GABPB2: variants seen among roughly 807,000 people sequenced by gnomAD.
GABPB2 encodes GA-binding protein subunit beta-2.
A neutral mutation model predicts 39.1 loss-of-function variants in GABPB2; 23 were observed. The ratio of observed to expected loss-of-function variants is 0.59; its 90% CI spans 0.42 to 0.83. The LOEUF (loss-of-function observed/expected upper bound fraction) is 0.83, where lower values mean the gene tolerates loss of function less well. Among genes scored for constraint, GABPB2 ranks in the 40% least tolerant of loss-of-function variants. The pLI is 0.00. For synonymous variants in GABPB2, 184 were observed against 199.3 expected, an observed-to-expected ratio of 0.92 and a Z score of 0.65; for missense variants, 467 against 541.1, an observed-to-expected ratio of 0.86 and a Z score of 1.36.
At chr1:151,102,738 G>A (rs971228108) in intron 5 of GABPB2, among the ~76,000 whole-genome samples, 4 of 152,062 alleles carry the variant, frequency 2.6e-5, no homozygotes, top group African/African-American at 9.7e-5. Context: ...CACAGCATCC[G>A]GCCATGAAAC....
At chr1:151,088,340 C>T in intron 2 of GABPB2, 43 bp downstream of exon 2, 1 of 1,500,988 alleles carries the variant, frequency 6.7e-7, no homozygotes, top group South Asian at 1.2e-5. Flanking sequence ...CCAATGTATG[C>T]TTTTACCAAC....
chr1:151,092,736 G>A (rs141965985), intron 3 of GABPB2, among the ~76,000 whole-genome samples: 276 of 152,064 alleles, frequency 1.8e-3, no homozygotes, highest in African/African-American at 5.8e-3. Flanking sequence ...ACCACGCCTG[G>A]CTAATGTTTT....
At chr1:151,071,228 G>A (rs1379352016) in intron 1 of GABPB2, among the ~76,000 whole-genome samples, 1 of 152,176 alleles carries the variant, frequency 6.6e-6, no homozygotes, top group Non-Finnish European at 1.5e-5. Flanking sequence ...ACTAGGGGGC[G>A]GCGCGGAGCC....
Position 151,090,649 on chromosome 1 carries a change from T to C in GABPB2, c.276+76T>C. ...CCTGTTTTCTTACTTAAATGGGTAC[T>C]AGGAAATGACTTGGGAATGATTAAG... On this transcript the variant is annotated intron_variant, in intron 3 of 8. Transcript: ENST00000368918. The C allele has an allele frequency of 6.5e-6, 9 of 1,387,568 alleles. No homozygotes were observed. In the South Asian group the frequency reaches 1.1e-4, roughly 17 times the overall value. 86.0% of individuals were successfully genotyped at this position (1,387,568 alleles called of 1,614,324 possible). A position where few individuals can be genotyped will look rare whatever the true frequency, so the allele number is the denominator to read the frequency against.
chr1:151,093,252 G>C lies in GABPB2; in HGVS notation c.337G>C (p.Glu113Gln). 2.5e-6 allele frequency: 4 copies of C among 1,611,546 alleles called. No homozygotes were observed. Among genetic ancestry groups the C allele is most frequent in the Non-Finnish European group, 3.4e-6 (4 of 1,179,088 alleles). The change falls in exon 4 of 9, where the codon GAG (glutamate) becomes CAG (glutamine). Residue 113 changes from glutamate to glutamine, a missense_variant. Physicochemically the swap from Glu to Gln is conservative, Grantham distance 29. Transcript: ENST00000368918. ...LKMTALHWATERHHRDVVELL... is the reference protein window; with the variant it reads ...LKMTALHWATQRHHRDVVELL... ...GATGACAGCTTTGCATTGGGCCACAGAGCGCCACCATCGAGATGTCGTAGA... is the reference window on the plus strand; with the variant it reads ...GATGACAGCTTTGCATTGGGCCACACAGCGCCACCATCGAGATGTCGTAGA...
In GABPB2 at chr1:151,118,405, T is replaced by C. The variant is rs866239690; in HGVS notation, c.*149T>C. ...AATGCTTGGGCTCAGGAAGTTTCTCTGTGCAACTAGAAAATTCAAAGCCAT... is the reference window on the plus strand; with the variant it reads ...AATGCTTGGGCTCAGGAAGTTTCTCCGTGCAACTAGAAAATTCAAAGCCAT... On this transcript the variant is annotated 3_prime_UTR_variant, in exon 9 of 9. Coordinates refer to ENST00000368918, the MANE Select transcript of GABPB2 (RefSeq NM_144618.3). 4.1e-6 allele frequency: 3 copies of C among 726,320 alleles called. 1 individual carries two copies. 45.0% of individuals were successfully genotyped at this position (726,320 alleles called of 1,614,324 possible).
rs587623132 is a variant in GABPB2, at chr1:151,075,640, C to T, written c.-1+4706C>T. 8.7e-5 allele frequency among the ~76,000 whole-genome samples: 13 copies of T among 149,956 alleles called. No individual in the cohort carries two copies. In the South Asian group the frequency reaches 1.3e-3, roughly 15 times the overall value. ...AGGAGAATCGCTACAACCTGGGAGG[C>T]GGAAGTTGCAGCGAGCTGAGACTGC... On this transcript the variant is annotated intron_variant, in intron 1 of 8. Transcript: ENST00000368918.
At chr1:151,095,904 G>A (rs1422099866) in intron 4 of GABPB2, among the ~76,000 whole-genome samples, 11 of 151,880 alleles carry the variant, frequency 7.2e-5, no homozygotes, top group Non-Finnish European at 1.5e-5. Context: ...TTGGTCGTGG[G>A]TGCCTGTAAT....
intron 1 of GABPB2, among the ~76,000 whole-genome samples, chr1:151,085,178 A>G (rs1012127741): frequency 5.3e-5 from 8 of 151,540 alleles, no homozygotes; most frequent in Non-Finnish European, 8.8e-5. Flanking sequence ...CAGGCAGATC[A>G]TCTGAGGTCA....
In GABPB2 at chr1:151,088,174, G is replaced by A; in HGVS notation, c.1-16G>A. On this transcript the variant is annotated splice_polypyrimidine_tract_variant and intron_variant, in intron 1 of 8. Transcript: ENST00000368918. Reference sequence around the variant, plus strand: ...GAGTTATAGCTACCTGAAAACTTTTGTTCCTATGCATAAAGATGTCTTTGG... The same window carrying A: ...GAGTTATAGCTACCTGAAAACTTTTATTCCTATGCATAAAGATGTCTTTGG... 1 of 1,598,074 alleles carries A rather than the reference G, an allele frequency of 6.3e-7. No homozygotes were observed. Among genetic ancestry groups the A allele is most frequent in the Non-Finnish European group, 8.6e-7 (1 of 1,165,742 alleles).
chr1:151,121,067 A>T lies in GABPB2; in HGVS notation c.*2811A>T, dbSNP rs141555254. The T allele has an allele frequency of 3.3e-5, 5 of 152,208 alleles. No individual in the cohort carries two copies. The highest frequency in any genetic ancestry group is 1.2e-4 in the African/African-American group (5 of 41,546). The allele number at this position is 152,208 out of a possible 1,614,324, so 9.4% of individuals were successfully genotyped here. A position where few individuals can be genotyped will look rare whatever the true frequency, so the allele number is the denominator to read the frequency against. ...CACCCCGCGCACAGCCTAGACTCTAATTTTATAAAACTTTGTTGAATTTTC... is the reference window on the plus strand; with the variant it reads ...CACCCCGCGCACAGCCTAGACTCTATTTTTATAAAACTTTGTTGAATTTTC... On this transcript the variant is annotated 3_prime_UTR_variant, in exon 9 of 9. Transcript: ENST00000368918.
intron 1 of GABPB2, among the ~76,000 whole-genome samples, chr1:151,071,891 C>T (rs1255020035): frequency 1.3e-5 from 2 of 152,254 alleles, no homozygotes; most frequent in South Asian, 4.1e-4. Flanking sequence ...CTCCTGTTTT[C>T]ACATACTTCC....
intron 7 of GABPB2, among the ~76,000 whole-genome samples, chr1:151,110,005 ATTTTTTTTTTTTTTTTTTTT>A (rs71577269): frequency 3.5e-3 from 211 of 60,768 alleles, no homozygotes; most frequent in Non-Finnish European, 6.3e-3. Flanking sequence ...TGCCCAGCTA[ATTTTTTTTTTTTTTTTTTTT>A]TTTTTTTTTT....
At chr1:151,116,480 T>C (rs1347858485) in intron 7 of GABPB2, among the ~76,000 whole-genome samples, 1 of 152,120 alleles carries the variant, frequency 6.6e-6, no homozygotes, top group Admixed American at 6.6e-5. Flanking sequence ...TGTTGACTCT[T>C]CTCTCACTTA....
At chr1:151,112,162 T>C (rs1680486858) in intron 7 of GABPB2, 1 of 113,674 alleles carries the variant, frequency 8.8e-6, no homozygotes, top group South Asian at 3.3e-4. Context: ...AGGTGGAGGT[T>C]GCAGTGAGCC....
intron 1 of GABPB2, 182 bp from the exon 2 acceptor site, chr1:151,088,008 A>G: frequency 1.8e-6 from 1 of 551,138 alleles, no homozygotes; most frequent in Non-Finnish European, 3.3e-6. Context: ...AGGGCTTGAA[A>G]CATTCCCAAA....
chr1:151,095,632 A>G (rs182071650), intron 4 of GABPB2, among the ~76,000 whole-genome samples: 21 of 152,266 alleles, frequency 1.4e-4, no homozygotes, highest in African/African-American at 5.1e-4. Flanking sequence ...CACTTACTAG[A>G]TGTCTGTTTA....
At position 151,120,736 on chromosome 1, in the gene GABPB2, T is replaced by C. The variant is rs1485649501; in HGVS notation, c.*2480T>C. 2.0e-5 allele frequency: 3 copies of C among 151,494 alleles called. No individual in the cohort carries two copies. The highest frequency in any genetic ancestry group is 7.3e-5 in the African/African-American group (3 of 41,304). 9.4% of individuals were successfully genotyped at this position (151,494 alleles called of 1,614,324 possible). A position where few individuals can be genotyped will look rare whatever the true frequency, so the allele number is the denominator to read the frequency against. ...AACTTGTTTCCAAACATTTATGTAA[T>C]GTCAAGCTCAGTCTCTCTTTTTTTT... is the stretch of plus-strand genomic sequence containing the variant. On this transcript the variant is annotated 3_prime_UTR_variant, in exon 9 of 9. Transcript: ENST00000368918.
intron 1 of GABPB2, among the ~76,000 whole-genome samples, chr1:151,081,515 A>G (rs2101449035): frequency 6.6e-6 from 1 of 152,186 alleles, no homozygotes; most frequent in Admixed American, 6.6e-5. Context: ...AAACAAAGAA[A>G]CAAACCGTAT....
Sources: gnomAD v4.1 joint callset for allele counts (sites outside exome capture counted in the v4.1 genomes callset) on GRCh38, gnomAD v4.1.1 for gene constraint, MANE v1.5 for transcripts, NCBI Gene and HGNC (gene_info 2026-07-23, HGNC 2026-07-21) for gene names.